Variants in PSMD13 observed in about 807,000 individuals in gnomAD.
PSMD13 encodes the protein proteasome 26S subunit, non-ATPase 13.
A neutral mutation model predicts 57.4 loss-of-function variants in PSMD13; 8 were observed. That is an observed-to-expected ratio of 0.14 (90% confidence interval 0.08 to 0.25). The LOEUF (loss-of-function observed/expected upper bound fraction) is 0.25, where lower values mean the gene tolerates loss of function less well. Among genes scored for constraint, PSMD13 ranks in the 10% least tolerant of loss-of-function variants. The probability of loss-of-function intolerance (pLI) is 1.00; values close to 1 mark genes in which losing one functional copy is unlikely to be tolerated. For missense variants in PSMD13, 400 were observed against 461.5 expected, an observed-to-expected ratio of 0.87 and a Z score of 1.22; for synonymous variants, 193 against 168.2, an observed-to-expected ratio of 1.15 and a Z score of -1.14.
chr11:242,129 CCT>C (rs1394529321), intron 2 of PSMD13, among the ~76,000 whole-genome samples: 4 of 149,418 alleles, frequency 2.7e-5, no homozygotes, highest in African/African-American at 7.5e-5. Flanking sequence ...CACTTCTGCC[CCT>C]TTTTTTTTCT....
rs6598057 is a variant in PSMD13 at position 251,034 on chromosome 11, C to T, written c.837+169C>T. 548,590 of 632,780 alleles carry T rather than the reference C, an allele frequency of 0.87. 238,920 individuals carry two copies. Among genetic ancestry groups the T allele is most frequent in the East Asian group, 1 (35,534 of 35,568 alleles). 39.2% of individuals were successfully genotyped at this position (632,780 alleles called of 1,614,324 possible). On this transcript the variant is annotated intron_variant, in intron 10 of 12. Transcript: ENST00000532097. The surrounding 1 kb of genome is among the most constrained non-coding windows in gnomAD (Gnocchi z 4.6). ...TTTTCCTTTGCTACCACTTGCTCTT[C>T]TAAGTTTATATTTGGCTCTTAGCTC...
intron 6 of PSMD13, 54 bp downstream of exon 6, chr11:244,815 A>G: frequency 7.4e-7 from 1 of 1,355,660 alleles, no homozygotes; most frequent in Non-Finnish European, 1.0e-6. Flanking sequence ...TTAAAACCCT[A>G]GGAAAAAAAA....
At chr11:249,208 G>A in intron 9 of PSMD13, 151 bp downstream of exon 9, 2 of 1,134,910 alleles carry the variant, frequency 1.8e-6, no homozygotes, top group Non-Finnish European at 2.5e-6. Context: ...ATAGAGCAGA[G>A]AGTTAAGTGG....
intron 7 of PSMD13, 36 bp downstream of exon 7, chr11:247,484 C>T (rs1468629757): frequency 8.2e-6 from 13 of 1,593,528 alleles, no homozygotes; most frequent in Non-Finnish European, 1.1e-5. Flanking sequence ...CACACAGGAG[C>T]ATATTCTCCA....
intron 9 of PSMD13, among the ~76,000 whole-genome samples, chr11:250,602 G>A (rs1392750454): frequency 3.3e-5 from 5 of 152,184 alleles, no homozygotes; most frequent in Admixed American, 6.5e-5. Context: ...AGTTAGGTGC[G>A]ACTCTTTCCA....
intron 7 of PSMD13, 125 bp downstream of exon 7, chr11:247,573 T>C (rs1168375797): frequency 9.2e-7 from 1 of 1,085,820 alleles, no homozygotes; most frequent in Non-Finnish European, 1.3e-6. Context: ...GGCTCACGCC[T>C]GTAATCCCAG....
At chr11:237,873 TCC>T (rs1859381722) in intron 1 of PSMD13, among the ~76,000 whole-genome samples, 5 of 152,218 alleles carry the variant, frequency 3.3e-5, no homozygotes, top group African/African-American at 1.2e-4. Context: ...CTGGAGCTAT[TCC>T]ATAGAAAATA....
At chr11:242,586 C>G (rs953036721) in intron 2 of PSMD13, among the ~76,000 whole-genome samples, 1 of 151,874 alleles carries the variant, frequency 6.6e-6, no homozygotes, top group Non-Finnish European at 1.5e-5. Flanking sequence ...ATCTTTTATA[C>G]TCCATAAAAT....
intron 7 of PSMD13, chr11:248,131 GA>G (rs111459690): frequency 0.13 from 18,698 of 140,160 alleles, 2,484 homozygotes; most frequent in African/African-American, 0.36. Context: ...CCCTTGTTTT[GA>G]AAACTGAAAT....
In PSMD13 at chr11:248,926, T is replaced by C; in HGVS notation, c.649-6T>C. The C allele has an allele frequency of 6.2e-7, 1 of 1,614,168 alleles. No homozygotes were observed. Among genetic ancestry groups the C allele is most frequent in the South Asian group, 1.1e-5 (1 of 91,086 alleles). ...TGTTACTAGCTGACCATCTCCATCC[T>C]CACAGCTCATGCACCCTGTGCTGGA... is the stretch of plus-strand genomic sequence containing the variant. On this transcript the variant is annotated splice_region_variant and splice_polypyrimidine_tract_variant and intron_variant, in intron 8 of 12. Transcript: ENST00000532097.
chr11:241,523 C>T (rs77602947), intron 2 of PSMD13, among the ~76,000 whole-genome samples: 2,003 of 152,242 alleles, frequency 0.013, 22 homozygotes, highest in Non-Finnish European at 0.021. Flanking sequence ...ATCCTTCTAC[C>T]TTCATATCCC....
Position 247,223 on chromosome 11 carries a change from A to T in PSMD13, c.397-54A>T, listed in dbSNP as rs1859666758. The T allele has an allele frequency of 3.3e-6, 5 of 1,538,284 alleles. No homozygotes were observed. In the East Asian group the frequency reaches 1.2e-4, roughly 36 times the overall value. ...CAGAGTGAGACCCTGTCTCTAAAAAAATAAAATAAACTTTTAACTTAAAAA... is the reference window on the plus strand; with the variant it reads ...CAGAGTGAGACCCTGTCTCTAAAAATATAAAATAAACTTTTAACTTAAAAA... On this transcript the variant is annotated intron_variant, in intron 6 of 12. Coordinates refer to ENST00000532097, the MANE Select transcript of PSMD13 (RefSeq NM_002817.4).
At chr11:238,665 T>C (rs1477842100) in intron 1 of PSMD13, among the ~76,000 whole-genome samples, 2 of 152,182 alleles carry the variant, frequency 1.3e-5, no homozygotes. Flanking sequence ...AGTCAGACTC[T>C]GTCTCAAAAA....
intron 1 of PSMD13, among the ~76,000 whole-genome samples, chr11:237,877 T>C (rs1859382584): frequency 6.6e-6 from 1 of 152,248 alleles, no homozygotes; most frequent in African/African-American, 2.4e-5. Context: ...AGCTATTCCA[T>C]AGAAAATACA....
At chr11:246,564 C>T (rs1859652549) in intron 6 of PSMD13, among the ~76,000 whole-genome samples, 1 of 152,158 alleles carries the variant, frequency 6.6e-6, no homozygotes, top group Non-Finnish European at 1.5e-5. Flanking sequence ...ATAAGTATTT[C>T]TGTGCCTGGT....
intron 9 of PSMD13, among the ~76,000 whole-genome samples, chr11:249,651 A>G (rs926475559): frequency 6.6e-6 from 1 of 150,762 alleles, no homozygotes; most frequent in Non-Finnish European, 1.5e-5. Flanking sequence ...AGAACAGCCA[A>G]TTCACCTCAG....
intron 2 of PSMD13, among the ~76,000 whole-genome samples, chr11:240,203 G>A (rs556758612): frequency 1.7e-4 from 22 of 130,454 alleles, no homozygotes; most frequent in African/African-American, 4.7e-4. Context: ...TCCACCTCCC[G>A]AGTTCAAGCG....
intron 6 of PSMD13, among the ~76,000 whole-genome samples, chr11:245,458 C>T (rs1028224010): frequency 2.6e-5 from 4 of 152,234 alleles, no homozygotes; most frequent in Non-Finnish European, 2.9e-5. Context: ...TCAGCCTACA[C>T]ACCACTGGCA....
intron 6 of PSMD13, among the ~76,000 whole-genome samples, chr11:245,892 A>G (rs746814171): frequency 5.3e-5 from 8 of 152,186 alleles, no homozygotes; most frequent in Non-Finnish European, 1.2e-4. Flanking sequence ...TTTAAGACAT[A>G]TTGAAAGCTA....
Sources: allele counts gnomAD v4.1 joint callset (sites outside exome capture counted in the v4.1 genomes callset), GRCh38; gene constraint gnomAD v4.1.1; non-coding constraint Gnocchi (gnomAD v3.1); transcripts MANE v1.5; gene names NCBI Gene and HGNC (gene_info 2026-07-23, HGNC 2026-07-21).